The following SFTPD variants were observed in gnomAD, a reference collection of about 807,000 sequenced individuals.
The protein encoded by SFTPD is pulmonary surfactant-associated protein D.
A neutral mutation model predicts 34.6 loss-of-function variants in SFTPD; 18 were observed. The ratio of observed to expected loss-of-function variants is 0.52; its 90% CI spans 0.36 to 0.77. The LOEUF is 0.77. SFTPD is among the 30% of genes least tolerant of loss of function. The probability of loss-of-function intolerance (pLI) is 0.00; values close to 1 mark genes in which losing one functional copy is unlikely to be tolerated. For missense variants in SFTPD, 433 were observed against 468.9 expected (o/e 0.92, Z 0.71); for synonymous variants, 155 against 180.9 (o/e 0.86, Z 1.15).
At chr10:79,976,116 A>G (rs1386140705) in intron 1 of SFTPD, among the ~76,000 whole-genome samples, 1 of 152,254 alleles carries the variant, frequency 6.6e-6, no homozygotes, top group Non-Finnish European at 1.5e-5. Flanking sequence ...TTGTGAAACA[A>G]GAGTTCTGGA....
chr10:79,940,437 C>T (rs370177266), intron 7 of SFTPD, among the ~76,000 whole-genome samples: 20 of 152,334 alleles, frequency 1.3e-4, no homozygotes, highest in African/African-American at 4.1e-4. Context: ...GGGCCACATC[C>T]TCCTCCTTTG....
intron 1 of SFTPD, among the ~76,000 whole-genome samples, chr10:79,966,682 G>A (rs1787061994): frequency 6.8e-6 from 1 of 146,190 alleles, no homozygotes; most frequent in African/African-American, 2.6e-5. Flanking sequence ...GAATGGTAAT[G>A]CCTAGGTTTT....
At chr10:79,941,830 C>A in intron 5 of SFTPD, 124 bp downstream of exon 5, 1 of 730,682 alleles carries the variant, frequency 1.4e-6, no homozygotes, top group Non-Finnish European at 2.4e-6. Context: ...GATACAGATT[C>A]TCTCCATGTT....
Position 79,938,036 on chromosome 10 carries a change from A to G in SFTPD, c.944T>C (p.Met315Thr), listed in dbSNP as rs1347366250. The G allele has an allele frequency of 1.2e-6, 2 of 1,614,044 alleles. No homozygotes were observed. Among genetic ancestry groups the G allele is most frequent in the Non-Finnish European group, 1.7e-6 (2 of 1,179,934 alleles). The change falls in exon 8 of 8, where the codon ATG (methionine) becomes ACG (threonine). Residue 315 changes from methionine (M) to threonine (T), a missense_variant. By Grantham distance (81) the Met-to-Thr change is moderately conservative. Coordinates refer to ENST00000372292, the MANE Select transcript of SFTPD (RefSeq NM_003019.5). Reference protein sequence around the residue: ...VAKNEAAFLSMTDSKTEGKFT... With the variant: ...VAKNEAAFLSTTDSKTEGKFT... ...CTTGCCCTCTGTCTTGGAATCAGTC[A>G]TGCTCAGGAAAGCAGCCTCGTTCTT... is the stretch of plus-strand genomic sequence containing the variant.
At chr10:79,974,828 G>A (rs1378962880) in intron 1 of SFTPD, among the ~76,000 whole-genome samples, 1 of 152,218 alleles carries the variant, frequency 6.6e-6, no homozygotes, top group Non-Finnish European at 1.5e-5. Context: ...CAGTGCTAGA[G>A]GAATTAAACA....
At chr10:79,940,620 C>T in intron 7 of SFTPD, 85 bp downstream of exon 7, 1 of 870,678 alleles carries the variant, frequency 1.1e-6, no homozygotes, top group East Asian at 2.5e-5. Context: ...AAAGGTCTAG[C>T]CCCAGCCAAA....
intron 1 of SFTPD, among the ~76,000 whole-genome samples, chr10:79,954,536 G>T (rs1290574342): frequency 6.6e-6 from 1 of 152,164 alleles, no homozygotes; most frequent in Admixed American, 6.5e-5. Context: ...TTGTTGTAGT[G>T]GTGGGTGGGT....
At chr10:79,960,096 C>A (rs983115952) in intron 1 of SFTPD, among the ~76,000 whole-genome samples, 4 of 151,690 alleles carry the variant, frequency 2.6e-5, no homozygotes, top group African/African-American at 9.7e-5. Context: ...AATTCAACAA[C>A]CTTCATGCTA....
At chr10:79,980,276 G>A (rs532459898) in intron 1 of SFTPD, among the ~76,000 whole-genome samples, 1 of 152,158 alleles carries the variant, frequency 6.6e-6, no homozygotes, top group South Asian at 2.1e-4. Flanking sequence ...CTTGTAACTT[G>A]GGTACCAGCT....
At chr10:79,941,298 G>A in intron 6 of SFTPD, 100 bp downstream of exon 6, 1 of 1,003,652 alleles carries the variant, frequency 1.0e-6, no homozygotes. Flanking sequence ...CCATTAATGG[G>A]GCACACATCC....
At chr10:79,982,269 C>T in intron 1 of SFTPD, 1 of 969,944 alleles carries the variant, frequency 1.0e-6, no homozygotes, top group South Asian at 4.7e-5. Context: ...GGCGGGGGCG[C>T]TCGGGCCACC....
intron 1 of SFTPD, among the ~76,000 whole-genome samples, chr10:79,973,567 G>A (rs7477061): frequency 1.3e-5 from 2 of 150,252 alleles, no homozygotes; most frequent in Admixed American, 6.6e-5. Flanking sequence ...GCAGTGAGCC[G>A]GGATCCCGCC....
intron 1 of SFTPD, among the ~76,000 whole-genome samples, chr10:79,979,579 C>T (rs1842880143): frequency 6.6e-6 from 1 of 152,212 alleles, no homozygotes; most frequent in Non-Finnish European, 1.5e-5. Flanking sequence ...ACAGTTCAGC[C>T]AGCACTCACA....
chr10:79,941,069 G>C (rs939326600), intron 6 of SFTPD, among the ~76,000 whole-genome samples: 1 of 129,628 alleles, frequency 7.7e-6, no homozygotes, highest in Non-Finnish European at 1.6e-5. Context: ...TGGGTGGGGG[G>C]GTTGCTGGGC....
intron 7 of SFTPD, among the ~76,000 whole-genome samples, chr10:79,940,237 G>C (rs1444628378): frequency 6.6e-6 from 1 of 152,204 alleles, no homozygotes; most frequent in Non-Finnish European, 1.5e-5. Flanking sequence ...AAGAAATGCA[G>C]CCCGTGTTGG....
At chr10:79,942,712 G>T (rs1487965627) in intron 3 of SFTPD, 51 bp downstream of exon 3, 2 of 1,273,682 alleles carry the variant, frequency 1.6e-6, no homozygotes, top group South Asian at 1.2e-5. Context: ...GCATATCCTT[G>T]CAGCTGCACC....
chr10:79,981,239 A>C (rs1185194704), intron 1 of SFTPD, among the ~76,000 whole-genome samples: 1 of 152,134 alleles, frequency 6.6e-6, no homozygotes, highest in African/African-American at 2.4e-5. Context: ...AGCAGAAGAA[A>C]GAATTAGTCA....
At chr10:79,952,666 TG>T (rs943619993), upstream of SFTPD, among the ~76,000 whole-genome samples, 10 of 152,086 alleles carry the variant, frequency 6.6e-5, no homozygotes, top group African/African-American at 2.4e-4. Context: ...GCAGTCTAAG[TG>T]GGTTCTGGGG....
chr10:79,962,946 C>A (rs139939603), intron 1 of SFTPD, among the ~76,000 whole-genome samples: 3 of 152,174 alleles, frequency 2.0e-5, no homozygotes, highest in Admixed American at 2.0e-4. Context: ...CAATAAACTT[C>A]TTTGTCTCTA....
Sources: gnomAD v4.1 joint callset for allele counts (sites outside exome capture counted in the v4.1 genomes callset) on GRCh38, gnomAD v4.1.1 for gene constraint, MANE v1.5 for transcripts, NCBI Gene and HGNC (gene_info 2026-07-23, HGNC 2026-07-21) for gene names.